Variants in ZNF140 observed in about 807,000 individuals in gnomAD.
The protein encoded by ZNF140 is zinc finger protein 140.
Under a neutral mutation model 12.9 loss-of-function variants are expected in ZNF140, and 13 were observed. That is an observed-to-expected ratio of 1.01 (90% CI 0.66 to 1.60). The LOEUF (loss-of-function observed/expected upper bound fraction) is 1.60. ZNF140 is among the 40% of genes most tolerant of loss of function. The pLI is 0.00. For synonymous variants in ZNF140, 214 were observed against 186.7 expected (o/e 1.15, Z -1.19); for missense variants, 531 against 548.8 (o/e 0.97, Z 0.32).
intron 4 of ZNF140, among the ~76,000 whole-genome samples, chr12:133,084,812 C>T (rs932339569): frequency 4.7e-4 from 71 of 152,268 alleles, no homozygotes; most frequent in African/African-American, 1.5e-3. Flanking sequence ...TGAAATGCTG[C>T]GGAGTCCCTT....
intron 4 of ZNF140, chr12:133,100,935 CAT>C (rs1396031037): frequency 4.4e-6 from 2 of 450,102 alleles, no homozygotes; most frequent in Non-Finnish European, 8.9e-6. Flanking sequence ...ACAGTTTAAA[CAT>C]GAATTATTTC....
chr12:133,081,899 T>G, intron 2 of ZNF140: 1 of 177,236 alleles, frequency 5.6e-6, no homozygotes, highest in Non-Finnish European at 1.2e-5. Context: ...TAGAAATGAA[T>G]ATTCTTGAGT....
chr12:133,084,861 T>C (rs1954623306), intron 4 of ZNF140, among the ~76,000 whole-genome samples: 1 of 152,186 alleles, frequency 6.6e-6, no homozygotes, highest in East Asian at 1.9e-4. Flanking sequence ...GAGGTACTAA[T>C]GTGGGCTGAA....
intron 4 of ZNF140, 75 bp from the exon 5 acceptor site, chr12:133,105,435 A>G: frequency 1.4e-6 from 2 of 1,422,516 alleles, no homozygotes; most frequent in Non-Finnish European, 1.9e-6. Context: ...TTCTGTTGCT[A>G]AAGAAGGGAG....
At chr12:133,095,695 C>T (rs950100542) in intron 4 of ZNF140, among the ~76,000 whole-genome samples, 1 of 151,618 alleles carries the variant, frequency 6.6e-6, no homozygotes, top group African/African-American at 2.4e-5. Flanking sequence ...AGTAGGAGAG[C>T]AGGGTGATAA....
At chr12:133,095,467 C>T (rs1243726525) in intron 4 of ZNF140, among the ~76,000 whole-genome samples, 1 of 147,418 alleles carries the variant, frequency 6.8e-6, no homozygotes, top group Non-Finnish European at 1.5e-5. Context: ...ACATCGGGCG[C>T]CAGATGAAGG....
At chr12:133,085,674 A>G (rs1473477687) in intron 4 of ZNF140, among the ~76,000 whole-genome samples, 1 of 152,154 alleles carries the variant, frequency 6.6e-6, no homozygotes, top group African/African-American at 2.4e-5. Context: ...TTAACTTTAT[A>G]TAGAAAGATT....
At chr12:133,092,805 G>T (rs1333601828) in intron 4 of ZNF140, among the ~76,000 whole-genome samples, 1 of 151,084 alleles carries the variant, frequency 6.6e-6, no homozygotes, top group African/African-American at 2.5e-5. Flanking sequence ...AATTGGCCTC[G>T]AGGGGCCCAG....
intron 4 of ZNF140, among the ~76,000 whole-genome samples, chr12:133,091,777 A>C (rs1184791414): frequency 6.6e-6 from 1 of 151,066 alleles, no homozygotes; most frequent in Non-Finnish European, 1.5e-5. Flanking sequence ...AGTTTCTGGC[A>C]CCAGATTTAA....
intron 4 of ZNF140, among the ~76,000 whole-genome samples, chr12:133,095,572 C>T (rs1042490191): frequency 6.6e-6 from 1 of 151,648 alleles, no homozygotes; most frequent in Non-Finnish European, 1.5e-5. Flanking sequence ...TATAGAGAAA[C>T]AACAGTGGGC....
chr12:133,087,709 AT>A (rs1442362391), intron 4 of ZNF140, among the ~76,000 whole-genome samples: 3 of 152,082 alleles, frequency 2.0e-5, no homozygotes, highest in African/African-American at 7.2e-5. Context: ...AAAATTTTGA[AT>A]TTTCTTTGTA....
chr12:133,106,416 C>A lies in ZNF140; in HGVS notation c.1139C>A (p.Thr380Asn), dbSNP rs1299060458. Reference protein sequence around the residue: ...ASLIQHTKSHTGEKPYACAEC... With the variant: ...ASLIQHTKSHNGEKPYACAEC... ...CTTATTCAACATACGAAGAGTCACACTGGAGAGAAACCCTATGCGTGTGCT... is the reference window on the plus strand; with the variant it reads ...CTTATTCAACATACGAAGAGTCACAATGGAGAGAAACCCTATGCGTGTGCT... Residue 380 changes from threonine (T) to asparagine (N), a missense_variant, in exon 5 of 5, where the codon ACT becomes AAT. Thr to Asn is a moderately conservative substitution (Grantham distance 65). Coordinates refer to ENST00000355557, the MANE Select transcript of ZNF140 (RefSeq NM_003440.4). 6.2e-7 allele frequency: 1 copy of A among 1,613,996 alleles called. No homozygotes were observed. Among genetic ancestry groups the A allele is most frequent in the African/African-American group, 1.3e-5 (1 of 74,924 alleles).
intron 4 of ZNF140, among the ~76,000 whole-genome samples, chr12:133,096,409 T>C (rs1057407997): frequency 7.2e-5 from 11 of 152,346 alleles, no homozygotes; most frequent in Non-Finnish European, 1.6e-4. Context: ...TTTTTCAAAA[T>C]GGAGTCTCTT....
At chr12:133,101,134 G>A (rs1955331620) in intron 4 of ZNF140, 2 of 257,762 alleles carry the variant, frequency 7.8e-6, no homozygotes, top group South Asian at 3.8e-5. Context: ...AATTGTAGGG[G>A]TTTTTGTGAG....
At chr12:133,093,725 T>C (rs926768865) in intron 4 of ZNF140, among the ~76,000 whole-genome samples, 2 of 151,012 alleles carry the variant, frequency 1.3e-5, no homozygotes, top group African/African-American at 2.5e-5. Flanking sequence ...AAGTATAGAG[T>C]GCTAGATTAA....
intron 4 of ZNF140, among the ~76,000 whole-genome samples, chr12:133,089,078 A>C (rs1321744626): frequency 2.0e-5 from 3 of 152,174 alleles, no homozygotes; most frequent in Non-Finnish European, 4.4e-5. Flanking sequence ...TCATAGAATG[A>C]GTGGGGAAGT....
At chr12:133,090,651 G>A (rs1189065323) in intron 4 of ZNF140, among the ~76,000 whole-genome samples, 1 of 113,850 alleles carries the variant, frequency 8.8e-6, no homozygotes, top group East Asian at 5.2e-4. Flanking sequence ...GTGGGCCCAG[G>A]GGACCAGCAC....
At chr12:133,090,040 G>C (rs1321513888) in intron 4 of ZNF140, among the ~76,000 whole-genome samples, 2 of 151,772 alleles carry the variant, frequency 1.3e-5, no homozygotes, top group African/African-American at 4.8e-5. Context: ...GTAGAGATGG[G>C]GTCTCATCAT....
chr12:133,083,876 C>T (rs1246178737), intron 4 of ZNF140, among the ~76,000 whole-genome samples: 12 of 151,490 alleles, frequency 7.9e-5, no homozygotes, highest in South Asian at 2.1e-4. Flanking sequence ...AGGAGCATGG[C>T]GTGAACCCGG....
Sources: gnomAD v4.1 joint callset for allele counts (sites outside exome capture counted in the v4.1 genomes callset) on GRCh38, gnomAD v4.1.1 for gene constraint, MANE v1.5 for transcripts, NCBI Gene and HGNC (gene_info 2026-07-23, HGNC 2026-07-21) for gene names.